PTPRD: variants seen among roughly 807,000 people sequenced by gnomAD.
PTPRD encodes the protein receptor-type tyrosine-protein phosphatase delta.
In PTPRD, 34 loss-of-function variants were observed where a neutral mutation model predicts 214.5. The ratio of observed to expected loss-of-function variants is 0.16; its 90% CI spans 0.12 to 0.21. The LOEUF is 0.21. Ranked by LOEUF, PTPRD falls within the 10% of genes least tolerant of loss-of-function variation. The pLI, the probability that PTPRD is intolerant of heterozygous loss-of-function variation, is 1.00. For synonymous variants in PTPRD, 1,128 were observed against 845.7 expected, an observed-to-expected ratio of 1.33 and a Z score of -5.79; for missense variants, 2,545 against 2,398.7, an observed-to-expected ratio of 1.06 and a Z score of -1.27.
In PTPRD at chr9:9,939,836, T is replaced by C. The variant is rs147720965; in HGVS notation, c.-471-1226A>G. Among the ~76,000 whole-genome samples, 1,228 of 152,284 alleles carry C rather than the reference T, an allele frequency of 8.1e-3. 16 individuals are homozygous for C. The highest frequency in any genetic ancestry group is 0.027 in the African/African-American group (1,119 of 41,550). On this transcript the variant is annotated intron_variant, in intron 4 of 45. Coordinates refer to ENST00000381196, the MANE Select transcript of PTPRD (RefSeq NM_002839.4). ...AGAAAGTCCCACCAGAATTGCTTAATGTAAATCAAACCTTAAGAGCAAATA... is the reference window on the plus strand; with the variant it reads ...AGAAAGTCCCACCAGAATTGCTTAACGTAAATCAAACCTTAAGAGCAAATA...
At chr9:9,553,699 G>A (rs923908649) in intron 8 of PTPRD, among the ~76,000 whole-genome samples, 2 of 151,848 alleles carry the variant, frequency 1.3e-5, no homozygotes, top group African/African-American at 4.8e-5. Context: ...TTGACAATAA[G>A]GGACTTCCTA....
At chr9:8,715,656 G>A (rs947966352) in intron 12 of PTPRD, among the ~76,000 whole-genome samples, 4 of 151,980 alleles carry the variant, frequency 2.6e-5, no homozygotes, top group African/African-American at 7.3e-5. Flanking sequence ...CAACAGTCAG[G>A]CCAACGATCT....
At chr9:9,714,482 TA>T (rs2097784964) in intron 7 of PTPRD, among the ~76,000 whole-genome samples, 1 of 139,476 alleles carries the variant, frequency 7.2e-6, no homozygotes, top group East Asian at 2.0e-4. Context: ...ATAATGACAA[TA>T]AGAATACCAC....
At chr9:10,118,301 A>G (rs993444804) in intron 3 of PTPRD, among the ~76,000 whole-genome samples, 1 of 151,570 alleles carries the variant, frequency 6.6e-6, no homozygotes, top group African/African-American at 2.4e-5. Context: ...AGAAACATTT[A>G]TTATCTATAT....
rs377406719 is a variant in PTPRD, at chr9:9,518,314, T to C, written c.-237+56418A>G. ...TGATGAGTGAAGTGTTTCTTCCTAATATAGAAAATTCTTTTTTAGGCTACG... is the reference window on the plus strand; with the variant it reads ...TGATGAGTGAAGTGTTTCTTCCTAACATAGAAAATTCTTTTTTAGGCTACG... On this transcript the variant is annotated intron_variant, in intron 8 of 45. Transcript: ENST00000381196. Among the ~76,000 whole-genome samples, 9 of 152,208 alleles carry C rather than the reference T, an allele frequency of 5.9e-5. No homozygotes were observed. In the East Asian group the frequency reaches 9.7e-4, roughly 16 times the overall value.
chr9:10,597,363 T>G (rs1474925773), intron 2 of PTPRD, among the ~76,000 whole-genome samples: 1 of 151,806 alleles, frequency 6.6e-6, no homozygotes, highest in African/African-American at 2.4e-5. Flanking sequence ...CAAGCTATGC[T>G]TCGAATGAAT....
chr9:10,293,882 A>T (rs1292366403), intron 3 of PTPRD, among the ~76,000 whole-genome samples: 1 of 151,972 alleles, frequency 6.6e-6, no homozygotes, highest in African/African-American at 2.4e-5. Context: ...TCTTAAGAAC[A>T]GCAAGGAATA....
In PTPRD at chr9:9,198,873, A is replaced by G. The variant is rs143960024; in HGVS notation, c.-202-15510T>C. Among the ~76,000 whole-genome samples the G allele has an allele frequency of 2.2e-3, 336 of 152,280 alleles. 3 individuals are homozygous for G. Among genetic ancestry groups the G allele is most frequent in the African/African-American group, 7.7e-3 (319 of 41,572 alleles). ...ACAGAACTTCTTAATTGGCTCCTAC[A>G]TGCATCCCATTATGGAAGGTCTGCT... On this transcript the variant is annotated intron_variant, in intron 9 of 45. Coordinates refer to ENST00000381196, the MANE Select transcript of PTPRD (RefSeq NM_002839.4).
intron 12 of PTPRD, among the ~76,000 whole-genome samples, chr9:8,698,376 G>T (rs565437755): frequency 6.6e-6 from 1 of 152,322 alleles, no homozygotes; most frequent in South Asian, 2.1e-4. Context: ...AAAAACGGTG[G>T]CTGTAGGCAT....
chr9:9,878,461 A>G (rs2067569186), intron 5 of PTPRD, among the ~76,000 whole-genome samples: 1 of 152,204 alleles, frequency 6.6e-6, no homozygotes, highest in African/African-American at 2.4e-5. Context: ...GAGTCATCTA[A>G]GTGAAGACTT....
intron 9 of PTPRD, among the ~76,000 whole-genome samples, chr9:9,355,433 T>C (rs1213502395): frequency 9.9e-5 from 15 of 151,650 alleles, no homozygotes. Flanking sequence ...TAGATCTTCA[T>C]AGCATTTTTT....
At chr9:10,292,155 C>T (rs910557044) in intron 3 of PTPRD, among the ~76,000 whole-genome samples, 6 of 152,056 alleles carry the variant, frequency 3.9e-5, no homozygotes, top group African/African-American at 1.4e-4. Flanking sequence ...AAGCTATCCT[C>T]ATAAAAGACA....
chr9:8,418,062 A>G (rs1298235378), intron 35 of PTPRD, among the ~76,000 whole-genome samples: 1 of 152,142 alleles, frequency 6.6e-6, no homozygotes. Flanking sequence ...CAGGGTACAT[A>G]CCAACTCAAT....
chr9:8,667,159 C>T (rs62528770), intron 12 of PTPRD, among the ~76,000 whole-genome samples: 151 of 151,968 alleles, frequency 9.9e-4, no homozygotes, highest in Non-Finnish European at 1.5e-3. Flanking sequence ...GCCAACATGG[C>T]GAAACCCCAT....
chr9:9,895,435 TTTC>T (rs1041941902), intron 5 of PTPRD, among the ~76,000 whole-genome samples: 2 of 152,056 alleles, frequency 1.3e-5, no homozygotes, highest in African/African-American at 2.4e-5. Context: ...TTGATAAATT[TTTC>T]TTTTCTTTTT....
intron 4 of PTPRD, among the ~76,000 whole-genome samples, chr9:9,944,815 T>G (rs2092310872): frequency 6.6e-6 from 1 of 152,062 alleles, no homozygotes; most frequent in African/African-American, 2.4e-5. Context: ...AGACATTAGC[T>G]TTTACTTCAA....
At chr9:8,393,457 G>A (rs916565014) in intron 36 of PTPRD, among the ~76,000 whole-genome samples, 5 of 152,130 alleles carry the variant, frequency 3.3e-5, no homozygotes, top group South Asian at 4.2e-4. Flanking sequence ...TTTGGTTGGC[G>A]AAGGAGCTAT....
Position 8,848,313 on chromosome 9 carries a change from CTTTTT to C in PTPRD, c.-103-114372_-103-114368del, listed in dbSNP as rs371491854. ...TACTTATTAATGCTTAAGATTTTTCCTTTTTTTTTTTTTTTTTTTTTTTTTAGTTT... is the reference window on the plus strand; with the variant it reads ...TACTTATTAATGCTTAAGATTTTTCCTTTTTTTTTTTTTTTTTTTTAGTTT... On this transcript the variant is annotated intron_variant, in intron 11 of 45. Transcript: ENST00000381196. Among the ~76,000 whole-genome samples, 9 of 132,678 alleles carry C rather than the reference CTTTTT, an allele frequency of 6.8e-5. No homozygotes were observed. In the East Asian group the frequency reaches 8.8e-4, roughly 13 times the overall value. The allele number at this position is 132,678 out of a possible 152,430, so 87.0% of individuals were successfully genotyped here.
intron 9 of PTPRD, among the ~76,000 whole-genome samples, chr9:9,339,419 G>T (rs1197801534): frequency 6.6e-6 from 1 of 151,998 alleles, no homozygotes; most frequent in Non-Finnish European, 1.5e-5. Flanking sequence ...CTGAGAGGAG[G>T]AGCTTGCAGT....
Sources: gnomAD v4.1 joint callset for allele counts (sites outside exome capture counted in the v4.1 genomes callset) on GRCh38, gnomAD v4.1.1 for gene constraint, MANE v1.5 for transcripts, NCBI Gene and HGNC (gene_info 2026-07-23, HGNC 2026-07-21) for gene names.